TMEM184A: variants seen among roughly 807,000 people sequenced by gnomAD.
TMEM184A encodes the protein sexually dimorphic, expressed in male gonads 1.
Under a neutral mutation model 39.5 loss-of-function variants are expected in TMEM184A, and 40 were observed. That is an observed-to-expected ratio of 1.01 (90% CI 0.79 to 1.32). The LOEUF is 1.32. Ranked by LOEUF, TMEM184A falls within the 40% of genes most tolerant of loss-of-function variation. The probability of loss-of-function intolerance (pLI) is 0.00; values close to 1 mark genes in which losing one functional copy is unlikely to be tolerated. For synonymous variants in TMEM184A, 280 were observed against 252.3 expected (o/e 1.11, Z -1.04); for missense variants, 603 against 568.8 (o/e 1.06, Z -0.61).
intron 2 of TMEM184A, 149 bp from the exon 3 acceptor site, chr7:1,551,131 C>T (rs1583220772): frequency 1.8e-5 from 6 of 336,848 alleles, no homozygotes; most frequent in Middle Eastern, 1.2e-3. Flanking sequence ...CCAGGTGAGC[C>T]GGGAAGGAGG....
rs1784515370 is a variant in TMEM184A at position 1,549,860 on chromosome 7, T to C, written c.638A>G (p.Asp213Gly). 1 of 1,604,138 alleles carries C rather than the reference T, an allele frequency of 6.2e-7. No homozygotes were observed. Among genetic ancestry groups the C allele is most frequent in the African/African-American group, 1.3e-5 (1 of 74,658 alleles). Reference protein sequence around the residue: ...LQAFGKYHDGDFNVRSGYLYV... With the variant: ...LQAFGKYHDGGFNVRSGYLYV... The stretch of plus-strand genomic sequence containing the variant: ...CCCGCAGCTCCCGCCTTACTTGAAG[T>C]CCCCGTCGTGGTATTTGCCAAATGC... Residue 213 changes from aspartate (D) to glycine (G), a missense_variant, in exon 6 of 9, where the codon GAC becomes GGC. Physicochemically the swap from Asp to Gly is moderately conservative, Grantham distance 94 (BLOSUM62 -1). Coordinates refer to ENST00000297477, the MANE Select transcript of TMEM184A (RefSeq NM_001097620.2).
chr7:1,549,469 C>T (rs561327370), intron 6 of TMEM184A: 7 of 456,298 alleles, frequency 1.5e-5, no homozygotes, highest in Middle Eastern at 3.7e-4. Context: ...CAAGGCTGGG[C>T]GGGGGCTGGG....
intron 2 of TMEM184A, among the ~76,000 whole-genome samples, chr7:1,553,947 A>G (rs1158983567): frequency 6.6e-6 from 1 of 152,084 alleles, no homozygotes; most frequent in East Asian, 1.9e-4. Context: ...GCGAGGCCCC[A>G]TGAAGCTAAA....
At chr7:1,549,986 C>T (rs1270470402) in intron 5 of TMEM184A, 41 bp from the exon 6 acceptor site, 1 of 1,607,698 alleles carries the variant, frequency 6.2e-7, no homozygotes, top group Non-Finnish European at 8.5e-7. Context: ...GCCAGGTCCC[C>T]CAGGGGCCCA....
rs1583225366 is a variant in TMEM184A at position 1,554,108 on chromosome 7, C to T, written c.219+1158G>A. Among the ~76,000 whole-genome samples, 3 of 152,276 alleles carry T rather than the reference C, an allele frequency of 2.0e-5. 1 individual carries two copies. In the South Asian group the frequency reaches 6.2e-4, roughly 32 times the overall value. ...GCACACTCCAGGCCACACTCATACA[C>T]GTCTACCGTGGGTTCTGGTTATCTG... On this transcript the variant is annotated intron_variant, in intron 2 of 8. Coordinates refer to ENST00000297477, the MANE Select transcript of TMEM184A (RefSeq NM_001097620.2).
chr7:1,549,156 G>A (rs546073635), intron 6 of TMEM184A: 2 of 460,474 alleles, frequency 4.3e-6, no homozygotes, highest in East Asian at 1.4e-4. Context: ...CATATTGCGT[G>A]CATGTGAGTG....
rs920162870 is a variant in TMEM184A, at chr7:1,546,384, A to T, written c.*568T>A. On this transcript the variant is annotated 3_prime_UTR_variant, in exon 9 of 9. Transcript: ENST00000297477. ...GGGCTCCCCTGTGGCTGGCGTGTGG[A>T]GACACGTGGGCCCTTCTCCACGTGC... 1 of 152,064 alleles carries T rather than the reference A, an allele frequency of 6.6e-6. No individual in the cohort carries two copies. Among genetic ancestry groups the T allele is most frequent in the Admixed American group, 6.5e-5 (1 of 15,282 alleles). The allele number at this position is 152,064 out of a possible 1,614,324, so 9.4% of individuals were successfully genotyped here.
intron 6 of TMEM184A, chr7:1,549,043 T>C (rs1217456954): frequency 2.0e-6 from 1 of 511,622 alleles, no homozygotes; most frequent in South Asian, 1.5e-5. Context: ...GAAGATCCTC[T>C]GTGTGGTGGA....
chr7:1,548,584 C>G lies in TMEM184A; in HGVS notation c.749G>C (p.Arg250Pro), dbSNP rs773806313. The G allele has an allele frequency of 6.2e-7, 1 of 1,613,820 alleles. No individual in the cohort carries two copies. Among genetic ancestry groups the G allele is most frequent in the Non-Finnish European group, 8.5e-7 (1 of 1,179,966 alleles). ...GAACTTGAGGACGGGCTGGAAGGGC[C>G]GCAGGAGCTCCCTGGTGGTGAAGTA... ...LFYFTTRELLRPFQPVLKFLT... is the reference protein window; with the variant it reads ...LFYFTTRELLPPFQPVLKFLT... The change falls in exon 7 of 9, where the codon CGG becomes CCG. Residue 250 changes from arginine to proline, a missense_variant. Transcript: ENST00000297477.
chr7:1,546,873 T>A lies in TMEM184A; in HGVS notation c.*79A>T, dbSNP rs1562554028. On this transcript the variant is annotated 3_prime_UTR_variant, in exon 9 of 9. Coordinates refer to ENST00000297477, the MANE Select transcript of TMEM184A (RefSeq NM_001097620.2). The stretch of plus-strand genomic sequence containing the variant: ...GGAGAGGCCCCACCTTTGGCAGGAG[T>A]TGGTGGGTGGGGGGACCCTGTTCTT... 3 of 963,848 alleles carry A rather than the reference T, an allele frequency of 3.1e-6. No homozygotes were observed. The East Asian group carries it at 8.4e-5, about 27-fold the overall frequency. The allele number at this position is 963,848 out of a possible 1,614,324, so 59.7% of individuals were successfully genotyped here.
chr7:1,547,864 G>T lies in TMEM184A; in HGVS notation c.890C>A (p.Ala297Asp). The T allele has an allele frequency of 6.2e-7, 1 of 1,604,240 alleles. No individual in the cohort carries two copies. Among genetic ancestry groups the T allele is most frequent in the South Asian group, 1.1e-5 (1 of 89,638 alleles). Residue 297 changes from alanine to aspartate, a missense_variant, in exon 8 of 9, where the codon GCT becomes GAT. Transcript: ENST00000297477. ...CTGGTAGCCGGCGGCCAGCGTGCCA[G>T]CCCCCAGCTTGTTCCCGCCGCTGGT... The part of the protein sequence containing the change: ...VETSGGNKLG[A>D]GTLAAGYQNF...
chr7:1,555,319 G>C lies in TMEM184A; in HGVS notation c.166C>G (p.Arg56Gly). ...CACACGAAGATCCCCGAGACGCCTC[G>C]GGCCAGTGCGGAGGTGAGGAAGAGC... Reference protein sequence around the residue: ...PWLFLTSALARGVSGIFVWTA... With the variant: ...PWLFLTSALAGGVSGIFVWTA... The change falls in exon 2 of 9, where the codon CGA becomes GGA. Residue 56 changes from arginine to glycine, a missense_variant. Coordinates refer to ENST00000297477, the MANE Select transcript of TMEM184A (RefSeq NM_001097620.2). The surrounding 1 kb of genome is among the most constrained non-coding windows in gnomAD (Gnocchi z 5.2). 1 of 1,608,760 alleles carries C rather than the reference G, an allele frequency of 6.2e-7. No homozygotes were observed. Among genetic ancestry groups the C allele is most frequent in the Non-Finnish European group, 8.5e-7 (1 of 1,177,754 alleles).
chr7:1,549,779 G>A (rs1400064720), intron 6 of TMEM184A, 75 bp downstream of exon 6: 68 of 1,384,954 alleles, frequency 4.9e-5, no homozygotes, highest in Middle Eastern at 1.9e-4. Context: ...AGTCCGCCTC[G>A]TTGGGCCCCA....
intron 6 of TMEM184A, chr7:1,549,560 T>G (rs1226517090): frequency 1.9e-6 from 1 of 538,492 alleles, no homozygotes; most frequent in South Asian, 1.5e-5. Context: ...AGCCGTGTCC[T>G]GTGAGGGGAG....
chr7:1,542,605 GA>G lies in TMEM184A; in HGVS notation c.*4346del, dbSNP rs534494825. ...TGTCACCGCCCAGAGCTGGGCCGGGGAAGCACGGTGTGTTCTGCTTTTCTTT... is the reference window on the plus strand; with the variant it reads ...TGTCACCGCCCAGAGCTGGGCCGGGGAGCACGGTGTGTTCTGCTTTTCTTT... On this transcript the variant is annotated 3_prime_UTR_variant, in exon 9 of 9. Transcript: ENST00000297477. 1 of 152,416 alleles carries G rather than the reference GA, an allele frequency of 6.6e-6. No homozygotes were observed. Among genetic ancestry groups the G allele is most frequent in the African/African-American group, 2.4e-5 (1 of 41,604 alleles). 9.4% of individuals were successfully genotyped at this position (152,416 alleles called of 1,614,324 possible).
At chr7:1,547,223 C>A in intron 8 of TMEM184A, 42 bp from the exon 9 acceptor site, 2 of 1,206,406 alleles carry the variant, frequency 1.7e-6, no homozygotes, top group South Asian at 1.3e-5. Flanking sequence ...CCCCCCTGCA[C>A]TCCAGCTCCC....
intron 8 of TMEM184A, among the ~76,000 whole-genome samples, chr7:1,547,456 C>A (rs1784394577): frequency 6.6e-6 from 1 of 152,148 alleles, no homozygotes; most frequent in African/African-American, 2.4e-5. Flanking sequence ...CGGGTGGGCA[C>A]CCTGGTCTCT....
chr7:1,547,004 C>T lies in TMEM184A; in HGVS notation c.1190G>A (p.Arg397Lys). The change falls in exon 9 of 9, where the codon AGG (arginine) becomes AAG (lysine). Residue 397 changes from arginine (R) to lysine (K), a missense_variant. By Grantham distance (26) the Arg-to-Lys change is conservative. Coordinates refer to ENST00000297477, the MANE Select transcript of TMEM184A (RefSeq NM_001097620.2). ...CCGCTTCTCCAGGCTCCGGCTCTTC[C>T]TGCTCCCGCCGGAGCCGCCGCTGGG... ...THPSGGSGGS[R>K]KSRSLEKRML... 1 of 1,571,712 alleles carries T rather than the reference C, an allele frequency of 6.4e-7. No homozygotes were observed. The highest frequency in any genetic ancestry group is 2.3e-5 in the East Asian group (1 of 43,310).
rs1414648064 is a variant in TMEM184A at position 1,550,964 on chromosome 7, A to G, written c.238T>C (p.Ser80Pro). Residue 80 changes from serine to proline, a missense_variant, in exon 3 of 9, where the codon TCC becomes CCC. Physicochemically the swap from Ser to Pro is moderately conservative, Grantham distance 74. Coordinates refer to ENST00000297477, the MANE Select transcript of TMEM184A (RefSeq NM_001097620.2). ...CGTTGCTCCTGTGGCACGGTGTAGG[A>G]GCGCAGGTGCAGATAGATCTGGGCG... ...TCHQIYLHLR[S>P]YTVPQEQRYI... 1 of 1,612,724 alleles carries G rather than the reference A, an allele frequency of 6.2e-7. No homozygotes were observed. Among genetic ancestry groups the G allele is most frequent in the Non-Finnish European group, 8.5e-7 (1 of 1,179,770 alleles).
Sources: allele counts gnomAD v4.1 joint callset (sites outside exome capture counted in the v4.1 genomes callset), GRCh38; gene constraint gnomAD v4.1.1; non-coding constraint Gnocchi (gnomAD v3.1); transcripts MANE v1.5; gene names NCBI Gene and HGNC (gene_info 2026-07-23, HGNC 2026-07-21).